The following CFAP44 variants were observed in gnomAD, a reference collection of about 807,000 sequenced individuals.
CFAP44 encodes the protein cilia and flagella associated protein 44, also known as cilia- and flagella-associated protein 44.
CFAP44 carries 134 observed loss-of-function variants against 216.2 expected under a neutral mutation model. The observed-to-expected ratio is 0.62, with a 90% CI of 0.54 to 0.72. The LOEUF is 0.72. Among genes scored for constraint, CFAP44 ranks in the 30% least tolerant of loss-of-function variants. The pLI is 0.00. For missense variants in CFAP44, 2,035 were observed against 2,182.1 expected (o/e 0.93, Z 1.34); for synonymous variants, 700 against 727.6 (o/e 0.96, Z 0.61).
At position 113,287,262 on chromosome 3, in the gene CFAP44, G is replaced by T; in HGVS notation, c.*4295C>A. ...GCAAGGGGCACGGTATCACAGCCTGGAGACACCCACACAGATGGCTGGATC... is the reference window on the plus strand; with the variant it reads ...GCAAGGGGCACGGTATCACAGCCTGTAGACACCCACACAGATGGCTGGATC... On this transcript the variant is annotated 3_prime_UTR_variant, in exon 35 of 35. Coordinates refer to ENST00000393845, the MANE Select transcript of CFAP44 (RefSeq NM_001164496.2). The T allele has an allele frequency of 2.9e-6, 1 of 341,924 alleles. No homozygotes were observed. The highest frequency in any genetic ancestry group is 7.7e-5 in the East Asian group (1 of 12,934). 21.2% of individuals were successfully genotyped at this position (341,924 alleles called of 1,614,324 possible).
chr3:113,380,936 T>C lies in CFAP44; in HGVS notation c.2015A>G (p.Lys672Arg). ...TTTGACACTTGAAAAATGGAAACAT[T>C]TTATGCACATGTCTTTGATTTCATA... ...VSYEIKDMCI[K>R]CFHFSSVKSK... The change falls in exon 16 of 35, where the codon AAA (lysine) becomes AGA (arginine). Residue 672 changes from lysine (K) to arginine (R), a missense_variant. This residue lies in a region of CFAP44 where 1,883 missense variants were observed against 2,023.7 expected (regional missense o/e 0.93). Coordinates refer to ENST00000393845, the MANE Select transcript of CFAP44 (RefSeq NM_001164496.2). 1 of 1,589,654 alleles carries C rather than the reference T, an allele frequency of 6.3e-7. No individual in the cohort carries two copies. Among genetic ancestry groups the C allele is most frequent in the Non-Finnish European group, 8.6e-7 (1 of 1,168,902 alleles).
At chr3:113,358,976 C>A in intron 21 of CFAP44, 101 bp from the exon 22 acceptor site, 1 of 1,336,048 alleles carries the variant, frequency 7.5e-7, no homozygotes, top group South Asian at 1.7e-5. Context: ...ATAACTCTTC[C>A]CCAAATATCA....
chr3:113,427,164 G>A (rs752542727), intron 3 of CFAP44, 23 bp downstream of exon 3: 2 of 1,602,076 alleles, frequency 1.2e-6, no homozygotes. Context: ...GACAATTACT[G>A]ACAGAAAACT....
Position 113,426,178 on chromosome 3 carries a change from G to A in CFAP44, c.353C>T (p.Ser118Leu), listed in dbSNP as rs776191039. 32 of 1,614,018 alleles carry A rather than the reference G, an allele frequency of 2.0e-5. 1 individual carries two copies. The African/African-American group carries it at 2.3e-4, about 11-fold the overall frequency. Reference sequence around the variant, plus strand: ...TGAATCCAGAGTCACAAAAGGCATCGAAGCAAGCTCCATATAATCATAGAA... The same window carrying A: ...TGAATCCAGAGTCACAAAAGGCATCAAAGCAAGCTCCATATAATCATAGAA... Reference protein sequence around the residue: ...SFFYDYMELASMPFVTLDSNI... With the variant: ...SFFYDYMELALMPFVTLDSNI... Residue 118 changes from serine to leucine, a missense_variant, in exon 4 of 35, where the codon TCG (serine) becomes TTG (leucine). By Grantham distance (145) the Ser-to-Leu change is moderately radical. Around this residue, in one of 3 missense-constraint regions of CFAP44, gnomAD observed 149 missense variants for 141.8 expected, o/e 1.05. Coordinates refer to ENST00000393845, the MANE Select transcript of CFAP44 (RefSeq NM_001164496.2).
At position 113,344,553 on chromosome 3, in the gene CFAP44, T is replaced by C; in HGVS notation, c.3225A>G (p.Lys1075=). ...RKPSKLDRFE[K]EGPGRKDSQR... is the part of the protein sequence containing the mutation. The stretch of plus-strand genomic sequence containing the variant: ...GGCTGTCCTTTCTTCCAGGTCCCTC[T>C]TTTTCAAACCTGTCCAATTTGCTTG... Residue 1075 remains lysine, a synonymous_variant, in exon 23 of 35, where the codon AAA becomes AAG. Coordinates refer to ENST00000393845, the MANE Select transcript of CFAP44 (RefSeq NM_001164496.2). The C allele has an allele frequency of 6.5e-7, 1 of 1,537,002 alleles. No homozygotes were observed. Among genetic ancestry groups the C allele is most frequent in the Middle Eastern group, 1.7e-4 (1 of 5,988 alleles).
At chr3:113,360,504 G>A (rs750713543) in intron 21 of CFAP44, 46 of 225,494 alleles carry the variant, frequency 2.0e-4, no homozygotes, top group Admixed American at 7.5e-4. Context: ...TAGAATAAGT[G>A]CTAATATCAG....
At chr3:113,405,547 T>C (rs1448063975) in intron 8 of CFAP44, among the ~76,000 whole-genome samples, 1 of 152,216 alleles carries the variant, frequency 6.6e-6, no homozygotes, top group Admixed American at 6.5e-5. Context: ...TGTAGAGTAG[T>C]TCTGCCTACC....
intron 28 of CFAP44, among the ~76,000 whole-genome samples, chr3:113,312,196 C>T (rs1332404931): frequency 2.0e-5 from 3 of 150,784 alleles, no homozygotes; most frequent in African/African-American, 4.9e-5. Flanking sequence ...CTCAGCCTCC[C>T]AAGTAGCTGG....
intron 17 of CFAP44, 94 bp from the exon 18 acceptor site, chr3:113,373,650 A>C: frequency 9.1e-7 from 1 of 1,103,800 alleles, no homozygotes; most frequent in Non-Finnish European, 1.2e-6. Flanking sequence ...TTGAAAACAT[A>C]AAATAGATGT....
chr3:113,294,257 T>C (rs1949858818), intron 34 of CFAP44: 1 of 265,436 alleles, frequency 3.8e-6, no homozygotes, highest in African/African-American at 2.3e-5. Context: ...AATAGCAAGT[T>C]GAAACCCACA....
chr3:113,338,255 CAAAAAAAAAAAAAAA>C (rs10574877), intron 24 of CFAP44, among the ~76,000 whole-genome samples: 8 of 43,042 alleles, frequency 1.9e-4, no homozygotes, highest in South Asian at 1.6e-3. Flanking sequence ...GACAATGTCT[CAAAAAAAAAAAAAAA>C]AAAAAAAAAA....
intron 32 of CFAP44, among the ~76,000 whole-genome samples, chr3:113,301,820 C>T (rs1319163664): frequency 4.6e-5 from 7 of 152,140 alleles, no homozygotes; most frequent in African/African-American, 1.7e-4. Context: ...AAGAATATAA[C>T]ACATTGTTAT....
intron 22 of CFAP44, among the ~76,000 whole-genome samples, chr3:113,356,171 TTAGA>T (rs1950490853): frequency 6.7e-6 from 1 of 150,340 alleles, no homozygotes; most frequent in Non-Finnish European, 1.5e-5. Context: ...AATATATTAT[TTAGA>T]TATATGGTTG....
chr3:113,377,316 T>C (rs1038753292), intron 17 of CFAP44, among the ~76,000 whole-genome samples: 1 of 152,284 alleles, frequency 6.6e-6, no homozygotes, highest in African/African-American at 2.4e-5. Flanking sequence ...AGGCACAGAG[T>C]TGTCATATTG....
At chr3:113,373,379 G>GT (rs761021622) in intron 18 of CFAP44, 32 bp downstream of exon 18, 28 of 1,492,602 alleles carry the variant, frequency 1.9e-5, no homozygotes, top group Middle Eastern at 1.8e-4. Flanking sequence ...ACAGGATATG[G>GT]TTTTTTTAAA....
chr3:113,324,904 T>C (rs949423181), intron 28 of CFAP44, among the ~76,000 whole-genome samples: 9 of 152,178 alleles, frequency 5.9e-5, no homozygotes, highest in African/African-American at 1.7e-4. Flanking sequence ...CAAAACCTCT[T>C]AGAACTAATA....
At position 113,294,811 on chromosome 3, in the gene CFAP44, G is replaced by C; in HGVS notation, c.5249C>G (p.Ala1750Gly). ...KEMKMWEEKI[A>G]QMRWELMMKT... is the part of the protein sequence containing the mutation. ...CATCATCAGTTCCCATCGCATTTGAGCAATCTTTTCCTACCAGGGTGGGAA... is the reference window on the plus strand; with the variant it reads ...CATCATCAGTTCCCATCGCATTTGACCAATCTTTTCCTACCAGGGTGGGAA... The change falls in exon 34 of 35, where the codon GCT becomes GGT. Residue 1750 changes from alanine to glycine, a missense_variant. Ala to Gly is a moderately conservative substitution (Grantham distance 60). This residue lies in a region of CFAP44 where 1,883 missense variants were observed against 2,023.7 expected (regional missense o/e 0.93). Coordinates refer to ENST00000393845, the MANE Select transcript of CFAP44 (RefSeq NM_001164496.2). 1 of 1,530,680 alleles carries C rather than the reference G, an allele frequency of 6.5e-7. No homozygotes were observed. Among genetic ancestry groups the C allele is most frequent in the Non-Finnish European group, 8.7e-7 (1 of 1,144,844 alleles). 94.8% of individuals were successfully genotyped at this position (1,530,680 alleles called of 1,614,324 possible). A position where few individuals can be genotyped will look rare whatever the true frequency, so the allele number is the denominator to read the frequency against.
intron 19 of CFAP44, 75 bp downstream of exon 19, chr3:113,365,964 C>T (rs371783894): frequency 2.8e-4 from 413 of 1,457,640 alleles, no homozygotes; most frequent in Non-Finnish European, 3.5e-4. Flanking sequence ...TAATTTATAA[C>T]GAATATGAAC....
At chr3:113,322,168 C>T (rs778844145) in intron 28 of CFAP44, among the ~76,000 whole-genome samples, 6 of 152,188 alleles carry the variant, frequency 3.9e-5, no homozygotes, top group Non-Finnish European at 7.4e-5. Context: ...CAAAAACAGA[C>T]AGACACATAG....
Sources: allele counts gnomAD v4.1 joint callset (sites outside exome capture counted in the v4.1 genomes callset), GRCh38; gene constraint gnomAD v4.1.1; regional missense constraint gnomAD v4.1.1; transcripts MANE v1.5; gene names NCBI Gene and HGNC (gene_info 2026-07-23, HGNC 2026-07-21).